TNRC6A: variants seen among roughly 807,000 people sequenced by gnomAD.
The protein encoded by TNRC6A is trinucleotide repeat-containing gene 6A protein.
Under a neutral mutation model 221.2 loss-of-function variants are expected in TNRC6A, and 44 were observed. That is an observed-to-expected ratio of 0.20 (90% confidence interval 0.16 to 0.26). The LOEUF is 0.26. Ranked by LOEUF, TNRC6A falls within the 10% of genes least tolerant of loss-of-function variation. The probability of loss-of-function intolerance (pLI) is 1.00; values close to 1 mark genes in which losing one functional copy is unlikely to be tolerated. For synonymous variants in TNRC6A, 847 were observed against 838.5 expected (o/e 1.01, Z -0.18); for missense variants, 2,199 against 2,404.4 (o/e 0.91, Z 1.79).
intron 1 of TNRC6A, among the ~76,000 whole-genome samples, chr16:24,622,291 G>GA (rs1900715814): frequency 6.6e-6 from 1 of 152,120 alleles, no homozygotes; most frequent in African/African-American, 2.4e-5. Flanking sequence ...GTATGCAATT[G>GA]ATTAATTTTA....
At position 24,790,942 on chromosome 16, in the gene TNRC6A, T is replaced by G; in HGVS notation, c.2300T>G (p.Ile767Arg). ...ATQTFNSGAC[I>R]DKTSPNGNDT... The stretch of plus-strand genomic sequence containing the variant: ...CAGACTTTTAACTCAGGGGCATGTA[T>G]AGATAAGACTAGCCCTAATGGTAAT... Residue 767 changes from isoleucine to arginine, a missense_variant, in exon 6 of 25, where the codon ATA becomes AGA. Around this residue, in one of 8 missense-constraint regions of TNRC6A, gnomAD observed 1,405 missense variants for 1,400.2 expected, o/e 1.00. Transcript: ENST00000395799. 6.2e-7 allele frequency: 1 copy of G among 1,613,274 alleles called. No homozygotes were observed. Among genetic ancestry groups the G allele is most frequent in the Non-Finnish European group, 8.5e-7 (1 of 1,179,604 alleles).
At chr16:24,710,021 C>T (rs1244911032) in intron 2 of TNRC6A, among the ~76,000 whole-genome samples, 1 of 151,100 alleles carries the variant, frequency 6.6e-6, no homozygotes, top group Non-Finnish European at 1.5e-5. Context: ...TGAGGTTGGG[C>T]GTTCAAGACC....
chr16:24,712,780 G>A (rs1438030902), intron 2 of TNRC6A, among the ~76,000 whole-genome samples: 1 of 152,110 alleles, frequency 6.6e-6, no homozygotes, highest in African/African-American at 2.4e-5. Flanking sequence ...TCGAGACAGG[G>A]TCTCGCTCTG....
intron 2 of TNRC6A, among the ~76,000 whole-genome samples, chr16:24,739,570 C>T (rs191569770): frequency 6.7e-6 from 1 of 149,746 alleles, no homozygotes; most frequent in East Asian, 2.0e-4. Context: ...ACTCCACCTG[C>T]CAGGTTCAAG....
At chr16:24,709,747 C>T (rs2056167470) in intron 2 of TNRC6A, among the ~76,000 whole-genome samples, 1 of 148,298 alleles carries the variant, frequency 6.7e-6, no homozygotes, top group Non-Finnish European at 1.5e-5. Context: ...ATCACTTGAG[C>T]CCAGGAGGTC....
chr16:24,681,562 G>T (rs1245327679), intron 2 of TNRC6A, among the ~76,000 whole-genome samples: 1 of 152,016 alleles, frequency 6.6e-6, no homozygotes, highest in Non-Finnish European at 1.5e-5. Flanking sequence ...ATATATTGTG[G>T]ACATATTTTC....
At chr16:24,734,400 A>G (rs571942059) in intron 2 of TNRC6A, among the ~76,000 whole-genome samples, 1 of 152,330 alleles carries the variant, frequency 6.6e-6, no homozygotes, top group East Asian at 1.9e-4. Context: ...CAGTTGTAAA[A>G]AAAAAATCTA....
intron 2 of TNRC6A, among the ~76,000 whole-genome samples, chr16:24,716,502 C>T (rs565671992): frequency 2.6e-5 from 4 of 152,228 alleles, no homozygotes; most frequent in Middle Eastern, 6.8e-3. Flanking sequence ...AAACCCACCT[C>T]TACAAAAAAT....
chr16:24,804,399 C>T (rs1405754892), intron 12 of TNRC6A, 80 bp downstream of exon 12: 3 of 1,472,086 alleles, frequency 2.0e-6, no homozygotes, highest in Admixed American at 2.4e-5. Flanking sequence ...ATTTTAAAAC[C>T]TTTTATATAA....
At chr16:24,776,507 C>G (rs2057720897) in intron 4 of TNRC6A, 1 of 985,440 alleles carries the variant, frequency 1.0e-6, no homozygotes. Context: ...AGAGACCAAA[C>G]ACATTAACAA....
intron 2 of TNRC6A, among the ~76,000 whole-genome samples, chr16:24,732,456 C>G (rs554479482): frequency 6.6e-6 from 1 of 152,194 alleles, no homozygotes; most frequent in East Asian, 1.9e-4. Flanking sequence ...TAAGATTTTA[C>G]ATGGACTCAT....
intron 2 of TNRC6A, among the ~76,000 whole-genome samples, chr16:24,641,764 T>C (rs1901963434): frequency 6.6e-6 from 1 of 152,224 alleles, no homozygotes; most frequent in African/African-American, 2.4e-5. Flanking sequence ...TTATGGTTTC[T>C]TTTTCATTCA....
intron 2 of TNRC6A, among the ~76,000 whole-genome samples, chr16:24,714,585 A>G (rs965470414): frequency 6.6e-6 from 1 of 152,032 alleles, no homozygotes; most frequent in African/African-American, 2.4e-5. Context: ...GATTACAGGC[A>G]TAAGCCACTG....
chr16:24,727,147 A>G (rs1484549758), upstream of TNRC6A, among the ~76,000 whole-genome samples: 1 of 150,830 alleles, frequency 6.6e-6, no homozygotes, highest in Non-Finnish European at 1.5e-5. Context: ...CTCCTGCCTC[A>G]GCCTCCCAAT....
intron 2 of TNRC6A, among the ~76,000 whole-genome samples, chr16:24,651,278 C>T: frequency 6.6e-6 from 1 of 151,902 alleles, no homozygotes; most frequent in East Asian, 1.9e-4. Flanking sequence ...GTGCCTCACG[C>T]CTGTAATCCC....
intron 1 of TNRC6A, among the ~76,000 whole-genome samples, chr16:24,637,184 C>A (rs555952568): frequency 6.6e-6 from 1 of 152,256 alleles, no homozygotes; most frequent in Non-Finnish European, 1.5e-5. Flanking sequence ...AGGTGCATAC[C>A]ACCATACCTG....
chr16:24,730,310 G>C lies in TNRC6A; in HGVS notation c.53+10G>C. The C allele has an allele frequency of 8.1e-6, 13 of 1,603,382 alleles. No homozygotes were observed. Among genetic ancestry groups the C allele is most frequent in the Non-Finnish European group, 1.1e-5 (13 of 1,175,890 alleles). The stretch of plus-strand genomic sequence containing the variant: ...AAAGAAATCTTAGCAGGTAAGATGG[G>C]CGAGCTTTCCGTCTCCCGCCCCACG... On this transcript the variant is annotated intron_variant, in intron 2 of 24. Coordinates refer to ENST00000395799, the MANE Select transcript of TNRC6A (RefSeq NM_014494.4).
At chr16:24,731,450 G>C (rs1449721261) in intron 2 of TNRC6A, among the ~76,000 whole-genome samples, 1 of 152,120 alleles carries the variant, frequency 6.6e-6, no homozygotes, top group Non-Finnish European at 1.5e-5. Context: ...AGGCATCATT[G>C]GTTTACCCAG....
intron 9 of TNRC6A, 72 bp from the exon 10 acceptor site, chr16:24,797,418 T>C (rs1264308453): frequency 1.2e-5 from 14 of 1,153,830 alleles, no homozygotes; most frequent in Non-Finnish European, 1.8e-5. Flanking sequence ...TCTTAAGTTT[T>C]ATTAATCCGT....
Sources: gnomAD v4.1 joint callset for allele counts (sites outside exome capture counted in the v4.1 genomes callset) on GRCh38, gnomAD v4.1.1 for gene constraint, gnomAD v4.1.1 regional missense constraint, MANE v1.5 for transcripts, NCBI Gene and HGNC (gene_info 2026-07-23, HGNC 2026-07-21) for gene names.